Variants in MLXIP observed in about 807,000 individuals in gnomAD.
MLXIP encodes the protein MLX-interacting protein.
MLXIP carries 30 observed loss-of-function variants against 87.2 expected under a neutral mutation model. That is an observed-to-expected ratio of 0.34 (90% CI 0.26 to 0.47). The LOEUF (loss-of-function observed/expected upper bound fraction) is 0.47. Among genes scored for constraint, MLXIP ranks in the 20% least tolerant of loss-of-function variants. The pLI, the probability that MLXIP is intolerant of heterozygous loss-of-function variation, is 1.00. For missense variants in MLXIP, 1,002 were observed against 1,240.1 expected, an observed-to-expected ratio of 0.81 and a Z score of 2.88; for synonymous variants, 530 against 514.0, an observed-to-expected ratio of 1.03 and a Z score of -0.42.
In MLXIP at chr12:122,082,129, G is replaced by A. The variant is rs549886284; in HGVS notation, c.413+2863G>A. On this transcript the variant is annotated intron_variant, in intron 1 of 16. Transcript: ENST00000319080. ...TTCACCTCCTGAAGGGTCTTTGCCC[G>A]GGGCTGACTTTGGGTGTGGAACAGG... Among the ~76,000 whole-genome samples, 12 of 152,296 alleles carry A rather than the reference G, an allele frequency of 7.9e-5. No homozygotes were observed. The East Asian group carries it at 1.7e-3, about 22-fold the overall frequency.
At chr12:122,118,231 A>G (rs944359374) in intron 1 of MLXIP, among the ~76,000 whole-genome samples, 9 of 151,516 alleles carry the variant, frequency 5.9e-5, no homozygotes, top group African/African-American at 2.2e-4. Context: ...AGATTTTGCT[A>G]TTCCAAATGG....
In MLXIP at chr12:122,101,575, TTTTTTTTTC is replaced by T. The variant is rs1468975314; in HGVS notation, c.413+22318_413+22326del. 3.4e-3 allele frequency among the ~76,000 whole-genome samples: 329 copies of T among 97,108 alleles called. 3 individuals are homozygous for T. The highest frequency in any genetic ancestry group is 8.7e-3 in the Admixed American group (85 of 9,814). 63.7% of individuals were successfully genotyped at this position (97,108 alleles called of 152,430 possible). A position where few individuals can be genotyped will look rare whatever the true frequency, so the allele number is the denominator to read the frequency against. ...ATTTATTTATTTATTTATTTTTTTCTTTTTTTTTCTTTTTTTTTTTTTTGAGACGGAGTC... is the reference window on the plus strand; with the variant it reads ...ATTTATTTATTTATTTATTTTTTTCTTTTTTTTTTTTTTTGAGACGGAGTC... On this transcript the variant is annotated intron_variant, in intron 1 of 16. Coordinates refer to ENST00000319080, the MANE Select transcript of MLXIP (RefSeq NM_014938.6).
intron 1 of MLXIP, among the ~76,000 whole-genome samples, chr12:122,083,020 A>C (rs543354999): frequency 6.6e-6 from 1 of 152,108 alleles, no homozygotes; most frequent in Non-Finnish European, 1.5e-5. Context: ...GGGTGTTGCT[A>C]TGCTTCTCAG....
At chr12:122,108,714 G>C (rs1009889735) in intron 1 of MLXIP, among the ~76,000 whole-genome samples, 8 of 152,264 alleles carry the variant, frequency 5.3e-5, no homozygotes, top group Admixed American at 3.3e-4. Flanking sequence ...GCTTTCACTT[G>C]TGTGTGGAGG....
At chr12:122,114,563 C>T (rs1232632070) in intron 1 of MLXIP, among the ~76,000 whole-genome samples, 2 of 152,110 alleles carry the variant, frequency 1.3e-5, no homozygotes, top group Non-Finnish European at 2.9e-5. Flanking sequence ...GGAACTGATA[C>T]CCTGTGCTCC....
rs1273871825 is a variant in MLXIP, at chr12:122,138,909, C to T, written c.2479C>T (p.Arg827Trp). Residue 827 changes from arginine to tryptophan, a missense_variant, in exon 15 of 17, where the codon CGG (arginine) becomes TGG (tryptophan). Physicochemically the swap from Arg to Trp is moderately radical, Grantham distance 101. This residue lies in a region of MLXIP where 746 missense variants were observed against 897.0 expected (regional missense o/e 0.83). Transcript: ENST00000319080. ...CATGTTTGACGAATACGTGAAAACCCGGACCTTGCAGAATTGGAAGTTCTG... is the reference window on the plus strand; with the variant it reads ...CATGTTTGACGAATACGTGAAAACCTGGACCTTGCAGAATTGGAAGTTCTG... Reference protein sequence around the residue: ...KDMFDEYVKTRTLQNWKFWIF... With the variant: ...KDMFDEYVKTWTLQNWKFWIF... 5 of 1,613,954 alleles carry T rather than the reference C, an allele frequency of 3.1e-6. No homozygotes were observed. Among genetic ancestry groups the T allele is most frequent in the East Asian group, 4.5e-5 (2 of 44,900 alleles).
At chr12:122,104,085 A>G (rs902557083) in intron 1 of MLXIP, among the ~76,000 whole-genome samples, 21 of 152,198 alleles carry the variant, frequency 1.4e-4, no homozygotes, top group African/African-American at 5.1e-4. Flanking sequence ...GTTATTTAAG[A>G]GGGTCCAACT....
At chr12:122,115,307 G>T (rs1952672876) in intron 1 of MLXIP, among the ~76,000 whole-genome samples, 1 of 151,988 alleles carries the variant, frequency 6.6e-6, no homozygotes, top group South Asian at 2.1e-4. Flanking sequence ...ACCAGTAGTG[G>T]CTGGGCGCGG....
Position 122,087,677 on chromosome 12 carries a change from GA to G in MLXIP, c.413+8412del, listed in dbSNP as rs1384166002. On this transcript the variant is annotated intron_variant, in intron 1 of 16. Transcript: ENST00000319080. ...TGTGGGCCAGGGTAGGAAGTTAGGA[GA>G]TGGTTTTGGTGGCACTGGGGAGTAC... 7.2e-5 allele frequency among the ~76,000 whole-genome samples: 11 copies of G among 152,316 alleles called. No individual in the cohort carries two copies. In the East Asian group the frequency reaches 1.9e-3, roughly 27 times the overall value.
chr12:122,118,862 A>G (rs556750852), intron 1 of MLXIP, among the ~76,000 whole-genome samples: 2 of 147,804 alleles, frequency 1.4e-5, no homozygotes, highest in Non-Finnish European at 3.0e-5. Context: ...AAAAAAATAG[A>G]TAATAAAAAT....
chr12:122,115,543 G>C (rs1177108959), intron 1 of MLXIP, among the ~76,000 whole-genome samples: 1 of 126,292 alleles, frequency 7.9e-6, no homozygotes, highest in African/African-American at 3.2e-5. Flanking sequence ...AGTGAAGATC[G>C]CACCATTGCA....
chr12:122,098,197 A>G (rs925564773), intron 1 of MLXIP, among the ~76,000 whole-genome samples: 1 of 152,168 alleles, frequency 6.6e-6, no homozygotes, highest in Non-Finnish European at 1.5e-5. Context: ...TAAAATAGGG[A>G]TGAAGCGAGC....
intron 1 of MLXIP, among the ~76,000 whole-genome samples, chr12:122,124,229 C>T (rs1240681445): frequency 2.8e-5 from 2 of 72,504 alleles, no homozygotes; most frequent in East Asian, 5.0e-4. Context: ...CGTCCCCCCA[C>T]CCTCAGCCGT....
intron 3 of MLXIP, 67 bp from the exon 4 acceptor site, chr12:122,129,070 T>G (rs777865042): frequency 9.1e-6 from 12 of 1,321,276 alleles, no homozygotes; most frequent in Non-Finnish European, 1.3e-5. Flanking sequence ...GGATACTCAG[T>G]ACACCAGTTG....
At position 122,135,312 on chromosome 12, in the gene MLXIP, C is replaced by T; in HGVS notation, c.1821C>T (p.Ser607=). 1 of 1,613,718 alleles carries T rather than the reference C, an allele frequency of 6.2e-7. No individual in the cohort carries two copies. Among genetic ancestry groups the T allele is most frequent in the Non-Finnish European group, 8.5e-7 (1 of 1,179,852 alleles). The part of the protein sequence containing the change: ...EGMLASTVSQ[S]NVVIAPAAIA... ...TGTTGGCCTCCACCGTGTCCCAGTC[C>T]AACGTGGTCATTGCGCCTGCTGCCA... The change falls in exon 10 of 17, where the codon TCC becomes TCT. Residue 607 remains serine (S), a synonymous_variant. Coordinates refer to ENST00000319080, the MANE Select transcript of MLXIP (RefSeq NM_014938.6). This position sits in a 1 kb window ranked among gnomAD's most constrained non-coding sequence, Gnocchi z 5.3.
At chr12:122,109,120 A>G (rs975948760) in intron 1 of MLXIP, among the ~76,000 whole-genome samples, 2 of 152,174 alleles carry the variant, frequency 1.3e-5, no homozygotes, top group African/African-American at 4.8e-5. Context: ...TTTAGTAGAG[A>G]TGGGGTTTCA....
rs1347164003 is a variant in MLXIP, at chr12:122,135,733, TG to T, written c.2032+73del. ...AAGTAACTGGGCCTGCCGTAGACCA[TG>T]GGGGGTGCTTGCTGGGTCCCCAGGA... On this transcript the variant is annotated intron_variant, in intron 11 of 16. Transcript: ENST00000319080. This position sits in a 1 kb window ranked among gnomAD's most constrained non-coding sequence, Gnocchi z 5.3. 21 of 1,432,446 alleles carry T rather than the reference TG, an allele frequency of 1.5e-5. No individual in the cohort carries two copies. The African/African-American group carries it at 1.9e-4, about 13-fold the overall frequency. The allele number at this position is 1,432,446 out of a possible 1,614,324, so 88.7% of individuals were successfully genotyped here. A position where few individuals can be genotyped will look rare whatever the true frequency, so the allele number is the denominator to read the frequency against.
intron 1 of MLXIP, among the ~76,000 whole-genome samples, chr12:122,086,156 G>A (rs1237131758): frequency 6.6e-6 from 1 of 152,310 alleles, no homozygotes; most frequent in South Asian, 2.1e-4. Flanking sequence ...CTCCCCCAGA[G>A]CTTCTGGGAA....
rs752798914 is a variant in MLXIP at position 122,129,575 on chromosome 12, C to A, written c.697-13C>A. The A allele has an allele frequency of 5.0e-6, 8 of 1,613,376 alleles. No homozygotes were observed. The South Asian group carries it at 8.8e-5, about 18-fold the overall frequency. On this transcript the variant is annotated splice_polypyrimidine_tract_variant and intron_variant, in intron 4 of 16. Transcript: ENST00000319080. ...CCATTGGTGACCGCCGTGTCCTGTCCCTTTGCCCACAGCTACAGCAGCACA... is the reference window on the plus strand; with the variant it reads ...CCATTGGTGACCGCCGTGTCCTGTCACTTTGCCCACAGCTACAGCAGCACA...
Sources: gnomAD v4.1 joint callset for allele counts (sites outside exome capture counted in the v4.1 genomes callset) on GRCh38, gnomAD v4.1.1 for gene constraint, gnomAD v4.1.1 regional missense constraint, Gnocchi (gnomAD v3.1) non-coding constraint, MANE v1.5 for transcripts, NCBI Gene and HGNC (gene_info 2026-07-23, HGNC 2026-07-21) for gene names.